The following CENPW variants were observed in gnomAD, a reference collection of about 807,000 sequenced individuals.
CENPW encodes the protein centromere protein W, also known as cancer-up-regulated gene 2 protein.
A neutral mutation model predicts 11.1 loss-of-function variants in CENPW; 3 were observed. The observed-to-expected ratio is 0.27, with a 90% confidence interval of 0.12 to 0.70. The LOEUF (loss-of-function observed/expected upper bound fraction) is 0.70, where lower values mean the gene tolerates loss of function less well. CENPW is among the 30% of genes least tolerant of loss of function. The pLI is 0.77. For missense variants in CENPW, 100 were observed against 105.6 expected, an observed-to-expected ratio of 0.95 and a Z score of 0.23; for synonymous variants, 38 against 42.0, an observed-to-expected ratio of 0.91 and a Z score of 0.37.
the CENPW span, among the ~76,000 whole-genome samples, chr6:126,427,147 C>A: frequency 1.4e-4 from 22 of 152,118 alleles, no homozygotes; most frequent in Non-Finnish European, 2.8e-4. Context: ...GCACTGGGCT[C>A]ACCTTCCAAG....
the CENPW span, among the ~76,000 whole-genome samples, chr6:126,399,060 G>A: frequency 6.6e-6 from 1 of 151,966 alleles, no homozygotes; most frequent in Non-Finnish European, 1.5e-5. Context: ...GTTAACTGCT[G>A]TTGGGCGTCT....
the CENPW span, among the ~76,000 whole-genome samples, chr6:126,481,378 G>C: frequency 6.6e-6 from 1 of 151,976 alleles, no homozygotes; most frequent in Non-Finnish European, 1.5e-5. Flanking sequence ...ACTGTAGACT[G>C]GGTAATGTAT....
the CENPW span, among the ~76,000 whole-genome samples, chr6:126,431,149 A>G: frequency 1.3e-5 from 2 of 152,232 alleles, no homozygotes; most frequent in South Asian, 4.2e-4. Context: ...AGCCAAGGAG[A>G]GGTTAAGTAT....
the CENPW span, among the ~76,000 whole-genome samples, chr6:126,441,411 C>T: frequency 6.6e-6 from 1 of 151,216 alleles, no homozygotes; most frequent in East Asian, 1.9e-4. Flanking sequence ...TTTCCTGCCA[C>T]AATAATCCTC....
chr6:126,465,157 A>G, the CENPW span, among the ~76,000 whole-genome samples: 1 of 152,148 alleles, frequency 6.6e-6, no homozygotes, highest in African/African-American at 2.4e-5. Context: ...TAGCAATGTA[A>G]TAAGACACAA....
At chr6:126,415,598 T>G in the CENPW span, among the ~76,000 whole-genome samples, 15 of 152,188 alleles carry the variant, frequency 9.9e-5, no homozygotes, top group Non-Finnish European at 1.8e-4. Flanking sequence ...TCCTCTTGAA[T>G]TCCCATGTAT....
At chr6:126,387,946 T>C in the CENPW span, among the ~76,000 whole-genome samples, 1 of 151,924 alleles carries the variant, frequency 6.6e-6, no homozygotes, top group Admixed American at 6.6e-5. Context: ...GTAAAAAGAA[T>C]TGAGTGTAAA....
chr6:126,432,415 C>T, the CENPW span, among the ~76,000 whole-genome samples: 8 of 152,204 alleles, frequency 5.3e-5, no homozygotes, highest in African/African-American at 1.9e-4. Context: ...CTTCCTACTG[C>T]TACCCCCTCT....
At chr6:126,412,460 T>G in the CENPW span, among the ~76,000 whole-genome samples, 1 of 152,216 alleles carries the variant, frequency 6.6e-6, no homozygotes, top group Non-Finnish European at 1.5e-5. Context: ...TCAGTGATTT[T>G]TGTATTGTTA....
chr6:126,406,175 T>C, the CENPW span, among the ~76,000 whole-genome samples: 1 of 152,188 alleles, frequency 6.6e-6, no homozygotes, highest in East Asian at 1.9e-4. Flanking sequence ...GGATGTTTAA[T>C]TTTCTCAAAT....
the CENPW span, among the ~76,000 whole-genome samples, chr6:126,387,553 A>G: frequency 1.3e-5 from 2 of 152,022 alleles, no homozygotes; most frequent in African/African-American, 2.4e-5. Context: ...AACACTTCCT[A>G]CCTTAAAATT....
the CENPW span, among the ~76,000 whole-genome samples, chr6:126,416,857 G>A: frequency 6.6e-6 from 1 of 152,214 alleles, no homozygotes; most frequent in African/African-American, 2.4e-5. Flanking sequence ...CTCTGCTAGG[G>A]CAGTGCAGAA....
At chr6:126,414,198 A>G in the CENPW span, among the ~76,000 whole-genome samples, 1 of 152,036 alleles carries the variant, frequency 6.6e-6, no homozygotes, top group African/African-American at 2.4e-5. Flanking sequence ...AAAGGAAGAG[A>G]TACTCTCCAT....
rs74730658 is a variant in CENPW, at chr6:126,347,894, C to T, written c.241-572C>T. On this transcript the variant is annotated intron_variant, in intron 2 of 2. Coordinates refer to ENST00000368328, the MANE Select transcript of CENPW (RefSeq NM_001012507.4). ...AAATCTCCTTTTTTTATTTGTGCCA[C>T]AGACTATTATTTTGAAAATAATCTA... 8.5e-3 allele frequency among the ~76,000 whole-genome samples: 1,288 copies of T among 151,960 alleles called. 15 individuals carry two copies. The highest frequency in any genetic ancestry group is 0.03 in the African/African-American group (1,240 of 41,524).
At chr6:126,379,792 A>G in the CENPW span, among the ~76,000 whole-genome samples, 1 of 152,172 alleles carries the variant, frequency 6.6e-6, no homozygotes, top group Non-Finnish European at 1.5e-5. Flanking sequence ...TATTCTGGAG[A>G]AAGAAAAATC....
the CENPW span, among the ~76,000 whole-genome samples, chr6:126,458,452 CAATT>C: frequency 2.0e-5 from 3 of 151,234 alleles, no homozygotes; most frequent in African/African-American, 7.3e-5. Context: ...AATATTGAAA[CAATT>C]AAATGAGAAT....
At chr6:126,432,930 T>C in the CENPW span, among the ~76,000 whole-genome samples, 4 of 152,148 alleles carry the variant, frequency 2.6e-5, no homozygotes, top group African/African-American at 9.7e-5. Flanking sequence ...AATATGGCCT[T>C]CTTATGAAAA....
the CENPW span, among the ~76,000 whole-genome samples, chr6:126,366,123 A>G: frequency 6.6e-6 from 1 of 152,190 alleles, no homozygotes; most frequent in Non-Finnish European, 1.5e-5. Context: ...TTTTCATGAT[A>G]TTTGCTATGC....
chr6:126,396,639 G>T, the CENPW span, among the ~76,000 whole-genome samples: 1 of 151,990 alleles, frequency 6.6e-6, no homozygotes, highest in Non-Finnish European at 1.5e-5. Flanking sequence ...ACCATATCCA[G>T]CATAGTTGGG....
Sources: allele counts gnomAD v4.1 joint callset (sites outside exome capture counted in the v4.1 genomes callset), GRCh38; gene constraint gnomAD v4.1.1; transcripts MANE v1.5; gene names NCBI Gene and HGNC (gene_info 2026-07-23, HGNC 2026-07-21).